The following TEAD1 variants were observed in gnomAD, a reference collection of about 807,000 sequenced individuals.
TEAD1 encodes transcriptional enhancer factor TEF-1.
TEAD1 carries 9 observed loss-of-function variants against 54.9 expected under a neutral mutation model. The observed-to-expected ratio is 0.16, with a 90% CI of 0.10 to 0.29. The LOEUF is 0.29. Ranked by LOEUF, TEAD1 falls within the 10% of genes least tolerant of loss-of-function variation. The probability of loss-of-function intolerance (pLI) is 1.00; values close to 1 mark genes in which losing one functional copy is unlikely to be tolerated. For missense variants in TEAD1, 387 were observed against 535.9 expected, an observed-to-expected ratio of 0.72 and a Z score of 2.74; for synonymous variants, 200 against 187.8, an observed-to-expected ratio of 1.07 and a Z score of -0.53.
At chr11:12,881,789 C>A in intron 7 of TEAD1, 107 bp from the exon 8 acceptor site, 1 of 1,151,428 alleles carries the variant, frequency 8.7e-7, no homozygotes, top group Non-Finnish European at 1.3e-6. Context: ...CAGGCAGGGA[C>A]CACAGCGGTG....
At chr11:12,936,861 C>G (rs1361842918) in intron 12 of TEAD1, among the ~76,000 whole-genome samples, 1 of 152,094 alleles carries the variant, frequency 6.6e-6, no homozygotes, top group Non-Finnish European at 1.5e-5. Flanking sequence ...TTTTGTGGTC[C>G]TTTCTTGGGC....
chr11:12,679,748 A>ATT (rs200723452), intron 2 of TEAD1, among the ~76,000 whole-genome samples: 2 of 148,172 alleles, frequency 1.3e-5, no homozygotes, highest in Non-Finnish European at 3.0e-5. Context: ...TTGAAAGGGG[A>ATT]TTTTTTTTTT....
chr11:12,681,320 G>T (rs527430986), intron 2 of TEAD1, among the ~76,000 whole-genome samples: 1 of 152,224 alleles, frequency 6.6e-6, no homozygotes, highest in Non-Finnish European at 1.5e-5. Flanking sequence ...TTTGATGAAA[G>T]GTTTCTAGTT....
At chr11:12,835,427 A>G (rs1288463786) in intron 3 of TEAD1, among the ~76,000 whole-genome samples, 1 of 151,236 alleles carries the variant, frequency 6.6e-6, no homozygotes, top group Non-Finnish European at 1.5e-5. Context: ...CTGCAGCTTC[A>G]GCCTCCCAAG....
intron 2 of TEAD1, among the ~76,000 whole-genome samples, chr11:12,725,417 A>G (rs1307361099): frequency 6.6e-6 from 1 of 152,216 alleles, no homozygotes; most frequent in Non-Finnish European, 1.5e-5. Flanking sequence ...GACTAGAGTG[A>G]CTATGGTTAA....
chr11:12,882,859 C>CT (rs1327236491), intron 8 of TEAD1, 142 bp from the exon 9 acceptor site: 3 of 1,244,742 alleles, frequency 2.4e-6, no homozygotes, highest in Admixed American at 3.9e-5. Flanking sequence ...CATCTGTCGT[C>CT]TGAGTTATCC....
intron 12 of TEAD1, among the ~76,000 whole-genome samples, chr11:12,934,338 T>C (rs1313070569): frequency 2.0e-5 from 3 of 151,364 alleles, no homozygotes; most frequent in Non-Finnish European, 4.4e-5. Flanking sequence ...AATTGAACAA[T>C]GAGAACACAT....
intron 3 of TEAD1, among the ~76,000 whole-genome samples, chr11:12,818,881 C>G (rs183582152): frequency 2.0e-5 from 3 of 152,334 alleles, no homozygotes; most frequent in Admixed American, 2.0e-4. Context: ...TATGAAGCAA[C>G]TGAATCCTCT....
intron 2 of TEAD1, among the ~76,000 whole-genome samples, chr11:12,687,740 T>A (rs1487327208): frequency 6.6e-6 from 1 of 152,218 alleles, no homozygotes; most frequent in African/African-American, 2.4e-5. Flanking sequence ...AAGTTGGGTG[T>A]GTCTCAGTTG....
intron 3 of TEAD1, among the ~76,000 whole-genome samples, chr11:12,791,095 C>T (rs1053011858): frequency 6.6e-6 from 1 of 152,164 alleles, no homozygotes; most frequent in African/African-American, 2.4e-5. Context: ...CCCTCATCTC[C>T]GTTATGGATT....
chr11:12,809,057 A>G (rs552083066), intron 3 of TEAD1, among the ~76,000 whole-genome samples: 4 of 152,304 alleles, frequency 2.6e-5, no homozygotes, highest in Non-Finnish European at 4.4e-5. Flanking sequence ...GAAACCAAAA[A>G]CGTTCTTACT....
Position 12,901,926 on chromosome 11 carries a change from T to C in TEAD1, c.700-14T>C. 6.2e-7 allele frequency: 1 copy of C among 1,614,188 alleles called. No individual in the cohort carries two copies. The highest frequency in any genetic ancestry group is 1.1e-5 in the South Asian group (1 of 91,082). On this transcript the variant is annotated splice_polypyrimidine_tract_variant and intron_variant, in intron 9 of 12. Coordinates refer to ENST00000527636, the MANE Select transcript of TEAD1 (RefSeq NM_021961.6). ...AGAGTTTGTAATGGGAATGTTTCTGTTGGTTTCTTACAGTACAACAAACAC... is the reference window on the plus strand; with the variant it reads ...AGAGTTTGTAATGGGAATGTTTCTGCTGGTTTCTTACAGTACAACAAACAC...
At chr11:12,699,333 C>T (rs547162154) in intron 2 of TEAD1, among the ~76,000 whole-genome samples, 23 of 151,890 alleles carry the variant, frequency 1.5e-4, no homozygotes, top group East Asian at 3.9e-4. Context: ...CTTTTCTCAT[C>T]GGTTTATTTA....
intron 8 of TEAD1, among the ~76,000 whole-genome samples, 177 bp downstream of exon 8, chr11:12,882,134 C>T (rs1947985454): frequency 6.6e-6 from 1 of 152,182 alleles, no homozygotes; most frequent in African/African-American, 2.4e-5. Context: ...TCCCGATTCC[C>T]ATCAGTCATC....
chr11:12,721,660 T>C (rs1008753649), intron 2 of TEAD1, among the ~76,000 whole-genome samples: 1 of 152,224 alleles, frequency 6.6e-6, no homozygotes, highest in Non-Finnish European at 1.5e-5. Flanking sequence ...ACATGTGAAA[T>C]TGGATAACGT....
At chr11:12,866,983 G>T (rs1047675162) in intron 5 of TEAD1, among the ~76,000 whole-genome samples, 11 of 152,154 alleles carry the variant, frequency 7.2e-5, no homozygotes, top group Non-Finnish European at 1.6e-4. Flanking sequence ...AGAGTATACT[G>T]TTAAGTTTGG....
At chr11:12,730,400 T>C (rs975738235) in intron 2 of TEAD1, among the ~76,000 whole-genome samples, 2 of 150,966 alleles carry the variant, frequency 1.3e-5, no homozygotes, top group Admixed American at 6.6e-5. Flanking sequence ...TTGAAACTTT[T>C]GATTCCCAGT....
At chr11:12,819,770 C>T (rs1373147630) in intron 3 of TEAD1, among the ~76,000 whole-genome samples, 2 of 152,118 alleles carry the variant, frequency 1.3e-5, no homozygotes, top group African/African-American at 2.4e-5. Flanking sequence ...GTCTTAAAAG[C>T]GGTCTTATTC....
intron 3 of TEAD1, among the ~76,000 whole-genome samples, chr11:12,814,674 C>T (rs1946376472): frequency 6.6e-6 from 1 of 152,126 alleles, no homozygotes; most frequent in Non-Finnish European, 1.5e-5. Flanking sequence ...CTAATAGCAG[C>T]AAGGGCGAGA....
Sources: gnomAD v4.1 joint callset for allele counts (sites outside exome capture counted in the v4.1 genomes callset) on GRCh38, gnomAD v4.1.1 for gene constraint, MANE v1.5 for transcripts, NCBI Gene and HGNC (gene_info 2026-07-23, HGNC 2026-07-21) for gene names.